Variants in CSMD1 observed in about 807,000 individuals in gnomAD.
CSMD1 encodes CUB and sushi domain-containing protein 1.
In CSMD1, 213 loss-of-function variants were observed where a neutral mutation model predicts 417.5. That is an observed-to-expected ratio of 0.51 (90% CI 0.46 to 0.57). The LOEUF is 0.57. Ranked by LOEUF, CSMD1 falls within the 20% of genes least tolerant of loss-of-function variation. The pLI, the probability that CSMD1 is intolerant of heterozygous loss-of-function variation, is 0.00. For synonymous variants in CSMD1, 2,862 were observed against 1,736.8 expected, an observed-to-expected ratio of 1.65 and a Z score of -16.11; for missense variants, 6,923 against 4,529.7, an observed-to-expected ratio of 1.53 and a Z score of -15.17.
At chr8:4,420,977 A>T (rs546036081) in intron 2 of CSMD1, among the ~76,000 whole-genome samples, 1 of 152,054 alleles carries the variant, frequency 6.6e-6, no homozygotes, top group Non-Finnish European at 1.5e-5. Flanking sequence ...TCAACTCTCA[A>T]ATTGTATTCA....
intron 49 of CSMD1, among the ~76,000 whole-genome samples, chr8:3,071,079 T>A (rs995529057): frequency 8.5e-5 from 13 of 152,112 alleles, no homozygotes; most frequent in Non-Finnish European, 1.8e-4. Flanking sequence ...TGGGTGGGGA[T>A]GCCACACACC....
chr8:4,402,405 T>G (rs779064427), intron 3 of CSMD1, among the ~76,000 whole-genome samples: 1 of 152,088 alleles, frequency 6.6e-6, no homozygotes, highest in African/African-American at 2.4e-5. Context: ...CCGCTAGCCT[T>G]ATTACTGCTG....
chr8:4,495,482 G>C (rs1801934591), intron 2 of CSMD1, among the ~76,000 whole-genome samples: 1 of 152,046 alleles, frequency 6.6e-6, no homozygotes, highest in East Asian at 1.9e-4. Context: ...GGCTGAAGTA[G>C]GAGAATTGCT....
At chr8:4,029,213 A>C (rs1797217526) in intron 4 of CSMD1, among the ~76,000 whole-genome samples, 2 of 152,260 alleles carry the variant, frequency 1.3e-5, no homozygotes, top group South Asian at 4.1e-4. Flanking sequence ...TGATGAAAAT[A>C]GGCAGAAATC....
intron 1 of CSMD1, among the ~76,000 whole-genome samples, chr8:4,889,789 G>C (rs548796034): frequency 6.6e-6 from 1 of 152,172 alleles, no homozygotes; most frequent in East Asian, 1.9e-4. Context: ...CTAATAGTGA[G>C]GGCCTACTAT....
chr8:3,718,448 G>A (rs969564119), intron 6 of CSMD1, among the ~76,000 whole-genome samples: 5 of 152,166 alleles, frequency 3.3e-5, no homozygotes, highest in African/African-American at 7.2e-5. Flanking sequence ...CTGAAAGCCT[G>A]ATGTTATAAG....
chr8:4,063,739 G>A (rs1490584469), intron 3 of CSMD1, among the ~76,000 whole-genome samples: 1 of 152,120 alleles, frequency 6.6e-6, no homozygotes, highest in South Asian at 2.1e-4. Flanking sequence ...AATGGGAAGT[G>A]CCTTTTATTT....
At chr8:3,205,981 C>T (rs1797228662) in intron 30 of CSMD1, among the ~76,000 whole-genome samples, 1 of 152,070 alleles carries the variant, frequency 6.6e-6, no homozygotes, top group Non-Finnish European at 1.5e-5. Flanking sequence ...CTCATATTAA[C>T]TTAAGAGATA....
intron 2 of CSMD1, among the ~76,000 whole-genome samples, chr8:4,521,895 G>A (rs118098605): frequency 0.016 from 2,493 of 152,310 alleles, 35 homozygotes; most frequent in Non-Finnish European, 0.023. Context: ...CAAATTGCAC[G>A]CCATGGCAGG....
chr8:4,125,597 G>T (rs959340155), intron 3 of CSMD1, among the ~76,000 whole-genome samples: 1 of 152,202 alleles, frequency 6.6e-6, no homozygotes, highest in South Asian at 2.1e-4. Flanking sequence ...TGCCTTTGCA[G>T]AATTATAACT....
At chr8:3,796,051 GA>G (rs1563088948) in intron 5 of CSMD1, among the ~76,000 whole-genome samples, 2 of 49,282 alleles carry the variant, frequency 4.1e-5, no homozygotes, top group Admixed American at 2.5e-4. Flanking sequence ...ATCTATCATA[GA>G]TATAGATATA....
chr8:4,049,660 C>G (rs1398285508), intron 3 of CSMD1, among the ~76,000 whole-genome samples: 2 of 152,056 alleles, frequency 1.3e-5, no homozygotes, highest in Non-Finnish European at 2.9e-5. Flanking sequence ...TACTAATCGA[C>G]AAGCATAGGT....
intron 18 of CSMD1, among the ~76,000 whole-genome samples, chr8:3,382,514 T>TATATAAATTTATATAAATATATAA (rs1810700143): frequency 7.4e-6 from 1 of 135,270 alleles, no homozygotes; most frequent in Non-Finnish European, 1.6e-5. Context: ...AATTTATATA[T>TATATAAATTTATATAAATATATAA]ATATAAATTT....
At chr8:3,219,494 C>T (rs1157697192) in intron 28 of CSMD1, 52 bp from the exon 29 acceptor site, 7 of 1,269,964 alleles carry the variant, frequency 5.5e-6, no homozygotes, top group Non-Finnish European at 6.3e-6. Context: ...ATTTTATCTC[C>T]CAGAGTGGTA....
rs186924466 is a variant in CSMD1, at chr8:4,216,486, A to T, written c.416-184387T>A. Among the ~76,000 whole-genome samples the T allele has an allele frequency of 3.8e-3, 575 of 152,318 alleles. 2 individuals are homozygous for T. Among genetic ancestry groups the T allele is most frequent in the Middle Eastern group, 0.01 (3 of 294 alleles). On this transcript the variant is annotated intron_variant, in intron 3 of 69. Transcript: ENST00000635120. Reference sequence around the variant, plus strand: ...ATTAGTAATTAGTAAAATTTTACTCATTAATAGAATTAGTGCTTATTCAGT... The same window carrying T: ...ATTAGTAATTAGTAAAATTTTACTCTTTAATAGAATTAGTGCTTATTCAGT...
intron 1 of CSMD1, among the ~76,000 whole-genome samples, chr8:4,820,203 G>A (rs1799441570): frequency 6.6e-6 from 1 of 152,094 alleles, no homozygotes; most frequent in Non-Finnish European, 1.5e-5. Context: ...CTCTTGGCCT[G>A]GACAGAGAAT....
chr8:4,580,180 C>T (rs1799344897), intron 2 of CSMD1, among the ~76,000 whole-genome samples: 1 of 152,182 alleles, frequency 6.6e-6, no homozygotes, highest in African/African-American at 2.4e-5. Flanking sequence ...GTTATGTAAA[C>T]TTCATGGAAT....
At chr8:4,149,159 T>G (rs963924791) in intron 3 of CSMD1, among the ~76,000 whole-genome samples, 2 of 152,082 alleles carry the variant, frequency 1.3e-5, no homozygotes, top group African/African-American at 4.8e-5. Context: ...AGACAGGGTT[T>G]TCCCATGTTG....
Position 4,817,065 on chromosome 8 carries a change from C to G in CSMD1, c.85+177267G>C, listed in dbSNP as rs115736077. ...AAGATTTATAGACATATATGAAGAA[C>G]TAGACCATGTATATACAACTTTATT... On this transcript the variant is annotated intron_variant, in intron 1 of 69. Coordinates refer to ENST00000635120, the MANE Select transcript of CSMD1 (RefSeq NM_033225.6). 3.3e-3 allele frequency among the ~76,000 whole-genome samples: 505 copies of G among 152,252 alleles called. 8 individuals carry two copies. Among genetic ancestry groups the G allele is most frequent in the African/African-American group, 0.011 (476 of 41,550 alleles).
Sources: gnomAD v4.1 joint callset for allele counts (sites outside exome capture counted in the v4.1 genomes callset) on GRCh38, gnomAD v4.1.1 for gene constraint, MANE v1.5 for transcripts, NCBI Gene and HGNC (gene_info 2026-07-23, HGNC 2026-07-21) for gene names.